The following ALPK2 variants were observed in gnomAD, a reference collection of about 807,000 sequenced individuals.
The protein encoded by ALPK2 is alpha-protein kinase 2.
ALPK2 carries 127 observed loss-of-function variants against 163.1 expected under a neutral mutation model. The observed-to-expected ratio is 0.78, with a 90% confidence interval of 0.67 to 0.90. The LOEUF (loss-of-function observed/expected upper bound fraction) is 0.90. Ranked by LOEUF, ALPK2 falls within the 40% of genes least tolerant of loss-of-function variation. ALPK2 has a pLI of 0.00. For synonymous variants in ALPK2, 953 were observed against 959.1 expected (o/e 0.99, Z 0.12); for missense variants, 2,360 against 2,589.6 (o/e 0.91, Z 1.92).
chr18:58,526,831 G>A (rs558597433), intron 6 of ALPK2, among the ~76,000 whole-genome samples: 1 of 152,302 alleles, frequency 6.6e-6, no homozygotes, highest in African/African-American at 2.4e-5. Flanking sequence ...CAAAGGAAGA[G>A]GATCACAGTC....
At chr18:58,487,838 A>T (rs1479626483) in intron 12 of ALPK2, among the ~76,000 whole-genome samples, 1 of 151,630 alleles carries the variant, frequency 6.6e-6, no homozygotes, top group East Asian at 1.9e-4. Flanking sequence ...CCTGGGCAAC[A>T]TAACGAGACC....
At chr18:58,625,724 T>G (rs1241143894) in intron 1 of ALPK2, among the ~76,000 whole-genome samples, 1 of 152,194 alleles carries the variant, frequency 6.6e-6, no homozygotes, top group Non-Finnish European at 1.5e-5. Flanking sequence ...AAAATCAAGG[T>G]GGGCTGTGCA....
intron 4 of ALPK2, among the ~76,000 whole-genome samples, chr18:58,556,594 G>A (rs1158046769): frequency 6.6e-6 from 1 of 152,160 alleles, no homozygotes; most frequent in East Asian, 1.9e-4. Context: ...GGGAGGGAAG[G>A]GTGGGGCATA....
chr18:58,578,734 A>ACACACACACGCACGCGCGCG, intron 4 of ALPK2, 80 bp downstream of exon 4: 1 of 396,578 alleles, frequency 2.5e-6, no homozygotes, highest in Non-Finnish European at 4.1e-6. Context: ...AAAGGAAGAG[A>ACACACACACGCACGCGCGCG]CACACACACA....
chr18:58,568,076 C>T (rs539415836), intron 4 of ALPK2, among the ~76,000 whole-genome samples: 24 of 152,278 alleles, frequency 1.6e-4, no homozygotes, highest in East Asian at 7.7e-4. Flanking sequence ...GTGAGTTTCC[C>T]GGGCACATGT....
chr18:58,536,628 A>T lies in ALPK2; in HGVS notation c.3559T>A (p.Ser1187Thr), dbSNP rs151153649. 6.8e-6 allele frequency: 11 copies of T among 1,613,886 alleles called. No individual in the cohort carries two copies. The highest frequency in any genetic ancestry group is 9.3e-6 in the Non-Finnish European group (11 of 1,179,998). Residue 1187 changes from serine to threonine, a missense_variant, in exon 5 of 13, where the codon TCA becomes ACA. Transcript: ENST00000361673. ...ASSREGAGQR[S>T]GWGTRVSVVA... ...ACGGAGACCCTCGTCCCCCAACCTG[A>T]GCGCTGCCCTGCTCCTTCCCTAGAG...
At chr18:58,608,388 G>A (rs1228746280) in intron 2 of ALPK2, among the ~76,000 whole-genome samples, 1 of 152,142 alleles carries the variant, frequency 6.6e-6, no homozygotes, top group Admixed American at 6.5e-5. Flanking sequence ...GGGCTAATCC[G>A]GTAAAACCTC....
At chr18:58,482,259 T>C (rs1034502541) in intron 12 of ALPK2, among the ~76,000 whole-genome samples, 19 of 152,166 alleles carry the variant, frequency 1.2e-4, no homozygotes, top group African/African-American at 1.7e-4. Context: ...CATACAGTGA[T>C]GATCAAAGGT....
At chr18:58,568,867 T>A (rs1457443055) in intron 4 of ALPK2, among the ~76,000 whole-genome samples, 1 of 152,186 alleles carries the variant, frequency 6.6e-6, no homozygotes, top group Non-Finnish European at 1.5e-5. Context: ...GATTTTGGTA[T>A]CTGAGGGGGG....
intron 6 of ALPK2, 68 bp downstream of exon 6, chr18:58,529,021 CTT>C: frequency 6.3e-7 from 1 of 1,582,002 alleles, no homozygotes; most frequent in South Asian, 1.1e-5. Flanking sequence ...ATTCTTTTTT[CTT>C]TTTTACAACC....
At chr18:58,516,386 T>C (rs1333234375) in intron 9 of ALPK2, among the ~76,000 whole-genome samples, 1 of 152,180 alleles carries the variant, frequency 6.6e-6, no homozygotes, top group Non-Finnish European at 1.5e-5. Flanking sequence ...CTTGGGTCTG[T>C]CTCTCTTCCT....
At chr18:58,532,396 A>G (rs1187425470) in intron 5 of ALPK2, among the ~76,000 whole-genome samples, 1 of 152,178 alleles carries the variant, frequency 6.6e-6, no homozygotes, top group Admixed American at 6.5e-5. Flanking sequence ...GCAGGGTCAG[A>G]ACCTACCCCG....
intron 12 of ALPK2, among the ~76,000 whole-genome samples, chr18:58,484,110 G>A (rs9964519): frequency 0.58 from 88,472 of 152,012 alleles, 26,242 homozygotes; most frequent in East Asian, 0.85. Flanking sequence ...AATGGCAGAA[G>A]CTCAACAAAT....
At chr18:58,530,595 G>T (rs1346183945) in intron 5 of ALPK2, among the ~76,000 whole-genome samples, 1 of 152,210 alleles carries the variant, frequency 6.6e-6, no homozygotes, top group Non-Finnish European at 1.5e-5. Context: ...TCCTAAGCCT[G>T]CCAGAACCTG....
At chr18:58,493,346 G>A (rs1238637565) in intron 12 of ALPK2, among the ~76,000 whole-genome samples, 1 of 151,922 alleles carries the variant, frequency 6.6e-6, no homozygotes, top group Non-Finnish European at 1.5e-5. Flanking sequence ...AGTCTGCCTG[G>A]AGTCACCACT....
At chr18:58,515,156 A>G (rs1184576846) in intron 9 of ALPK2, 75 bp from the exon 10 acceptor site, 10 of 1,159,916 alleles carry the variant, frequency 8.6e-6, no homozygotes, top group African/African-American at 7.7e-5. Context: ...AAGACTATTC[A>G]GGAGATTTCC....
intron 11 of ALPK2, among the ~76,000 whole-genome samples, chr18:58,503,171 G>T (rs1373645040): frequency 3.9e-5 from 6 of 152,224 alleles, no homozygotes; most frequent in Admixed American, 3.9e-4. Flanking sequence ...CTAAACAATT[G>T]TGTATACATT....
Position 58,536,487 on chromosome 18 carries a change from T to C in ALPK2, c.3700A>G (p.Asn1234Asp), listed in dbSNP as rs773191991. The C allele has an allele frequency of 7.4e-6, 12 of 1,613,902 alleles. No homozygotes were observed. Among genetic ancestry groups the C allele is most frequent in the Middle Eastern group, 3.3e-4 (2 of 6,084 alleles). The change falls in exon 5 of 13, where the codon AAC becomes GAC. Residue 1234 changes from asparagine (N) to aspartate (D), a missense_variant. Asn to Asp is a conservative substitution (Grantham distance 23, BLOSUM62 1). Coordinates refer to ENST00000361673, the MANE Select transcript of ALPK2 (RefSeq NM_052947.4). ...EYRPGNWEAG[N>D]KLKIITLEAS... ...TCTAGAGTTATAATCTTCAGCTTGTTGCCTGCCTCCCAATTTCCAGGTCTA... is the reference window on the plus strand; with the variant it reads ...TCTAGAGTTATAATCTTCAGCTTGTCGCCTGCCTCCCAATTTCCAGGTCTA...
chr18:58,564,186 G>A (rs897147289), intron 4 of ALPK2, among the ~76,000 whole-genome samples: 7 of 144,528 alleles, frequency 4.8e-5, no homozygotes, highest in Non-Finnish European at 6.0e-5. Flanking sequence ...GCAGTGGTGC[G>A]ATCTCAGCTC....
Sources: gnomAD v4.1 joint callset for allele counts (sites outside exome capture counted in the v4.1 genomes callset) on GRCh38, gnomAD v4.1.1 for gene constraint, MANE v1.5 for transcripts, NCBI Gene and HGNC (gene_info 2026-07-23, HGNC 2026-07-21) for gene names.